The following LDB2 variants were observed in gnomAD, a reference collection of about 807,000 sequenced individuals.
LDB2 encodes LIM domain binding 2.
In LDB2, 12 loss-of-function variants were observed where a neutral mutation model predicts 44.3. The ratio of observed to expected loss-of-function variants is 0.27; its 90% CI spans 0.17 to 0.44. LDB2 has a LOEUF of 0.44. Ranked by LOEUF, LDB2 falls within the 20% of genes least tolerant of loss-of-function variation. The pLI, the probability that LDB2 is intolerant of heterozygous loss-of-function variation, is 1.00. For missense variants in LDB2, 344 were observed against 473.5 expected (o/e 0.73, Z 2.54); for synonymous variants, 164 against 174.8 (o/e 0.94, Z 0.49).
intron 2 of LDB2, among the ~76,000 whole-genome samples, chr4:16,651,813 A>C (rs894717773): frequency 2.0e-5 from 3 of 152,176 alleles, no homozygotes. Flanking sequence ...ATCCTGATTA[A>C]AAAATATAAG....
intron 2 of LDB2, among the ~76,000 whole-genome samples, chr4:16,714,396 A>C (rs1756590855): frequency 6.6e-6 from 1 of 152,188 alleles, no homozygotes; most frequent in East Asian, 1.9e-4. Context: ...TCTTGGGGAC[A>C]GTGGCCTGGC....
chr4:16,893,377 T>C (rs961773021), intron 1 of LDB2, among the ~76,000 whole-genome samples: 11 of 152,236 alleles, frequency 7.2e-5, no homozygotes, highest in African/African-American at 2.4e-4. Flanking sequence ...AAATAACTAA[T>C]CTCATTTTAA....
chr4:16,680,532 T>C (rs998693988), intron 2 of LDB2, among the ~76,000 whole-genome samples: 4 of 152,176 alleles, frequency 2.6e-5, no homozygotes, highest in African/African-American at 9.7e-5. Context: ...ACTTATCTCA[T>C]TTACTCCCCT....
At chr4:16,736,287 A>C (rs1236071167) in intron 2 of LDB2, among the ~76,000 whole-genome samples, 1 of 152,190 alleles carries the variant, frequency 6.6e-6, no homozygotes, top group Non-Finnish European at 1.5e-5. Context: ...GGATTACCAA[A>C]ACAAAGTCAA....
chr4:16,671,294 AC>A (rs2152557189), intron 2 of LDB2, among the ~76,000 whole-genome samples: 1 of 152,254 alleles, frequency 6.6e-6, no homozygotes, highest in Admixed American at 6.5e-5. Context: ...ATTCTGGGGT[AC>A]TTTGAATCAC....
At position 16,585,935 on chromosome 4, in the gene LDB2, A is replaced by G; in HGVS notation, c.602T>C (p.Leu201Pro). Reference sequence around the variant, plus strand: ...GATTGATCTTACCCTGAGGTAGTTGAGGGTGAAGTTTGTTAGCCCCATCCT... The same window carrying G: ...GATTGATCTTACCCTGAGGTAGTTGGGGGTGAAGTTTGTTAGCCCCATCCT... ...ITRMGLTNFTLNYLRLCVILE... is the reference protein window; with the variant it reads ...ITRMGLTNFTPNYLRLCVILE... The change falls in exon 5 of 8, where the codon CTC becomes CCC. Residue 201 changes from leucine (L) to proline (P), a missense_variant. Leu to Pro is a moderately conservative substitution (Grantham distance 98, BLOSUM62 -3). Coordinates refer to ENST00000304523, the MANE Select transcript of LDB2 (RefSeq NM_001290.5). 1 of 1,613,084 alleles carries G rather than the reference A, an allele frequency of 6.2e-7. No individual in the cohort carries two copies. The highest frequency in any genetic ancestry group is 8.5e-7 in the Non-Finnish European group (1 of 1,179,112).
chr4:16,549,988 G>A (rs967536221), intron 5 of LDB2, among the ~76,000 whole-genome samples: 1 of 152,168 alleles, frequency 6.6e-6, no homozygotes, highest in Non-Finnish European at 1.5e-5. Flanking sequence ...GTCCTTCTGA[G>A]CTTGCCCAAT....
At chr4:16,589,549 A>C (rs1204714544) in intron 3 of LDB2, among the ~76,000 whole-genome samples, 1 of 152,180 alleles carries the variant, frequency 6.6e-6, no homozygotes, top group East Asian at 1.9e-4. Context: ...TGATAGAGTA[A>C]TCAGTGACAG....
At chr4:16,689,924 G>A (rs1034031959) in intron 2 of LDB2, among the ~76,000 whole-genome samples, 1 of 152,174 alleles carries the variant, frequency 6.6e-6, no homozygotes, top group African/African-American at 2.4e-5. Context: ...AAATCTATTT[G>A]CAGAGCTCTG....
At chr4:16,636,157 G>A (rs1408135360) in intron 2 of LDB2, among the ~76,000 whole-genome samples, 6 of 152,214 alleles carry the variant, frequency 3.9e-5, no homozygotes, top group African/African-American at 4.8e-5. Flanking sequence ...AAAAGTCATC[G>A]TCATGTTATC....
intron 2 of LDB2, among the ~76,000 whole-genome samples, chr4:16,618,851 C>T (rs1728090550): frequency 6.6e-6 from 1 of 152,084 alleles, no homozygotes; most frequent in South Asian, 2.1e-4. Flanking sequence ...TGGATTTCTC[C>T]CTGCTGTTCT....
At chr4:16,516,673 G>A (rs62296890) in intron 5 of LDB2, among the ~76,000 whole-genome samples, 2,056 of 152,270 alleles carry the variant, frequency 0.014, 32 homozygotes, top group Non-Finnish European at 0.02. Context: ...TTATTGTGAG[G>A]ACCCATGAGC....
At chr4:16,814,867 A>G (rs1035748857) in intron 1 of LDB2, among the ~76,000 whole-genome samples, 66 of 152,366 alleles carry the variant, frequency 4.3e-4, no homozygotes, top group African/African-American at 1.4e-3. Flanking sequence ...TCCTGAAAAT[A>G]GAGTGAGATT....
At chr4:16,717,189 T>TGAG (rs1268719887) in intron 2 of LDB2, among the ~76,000 whole-genome samples, 2 of 146,594 alleles carry the variant, frequency 1.4e-5, no homozygotes, top group South Asian at 2.2e-4. Flanking sequence ...ATAATAATAA[T>TGAG]GATGATGAGG....
intron 5 of LDB2, among the ~76,000 whole-genome samples, chr4:16,578,001 G>A (rs1712475622): frequency 6.6e-6 from 1 of 152,062 alleles, no homozygotes; most frequent in South Asian, 2.1e-4. Flanking sequence ...TGGGAAAACT[G>A]GATATCCATA....
At chr4:16,705,092 AAAT>A (rs1172124075) in intron 2 of LDB2, among the ~76,000 whole-genome samples, 2 of 152,130 alleles carry the variant, frequency 1.3e-5, no homozygotes, top group African/African-American at 2.4e-5. Flanking sequence ...ATTAATTATG[AAAT>A]AATAATTATA....
chr4:16,710,250 A>G (rs1160965546), intron 2 of LDB2, among the ~76,000 whole-genome samples: 1 of 152,212 alleles, frequency 6.6e-6, no homozygotes, highest in East Asian at 1.9e-4. Flanking sequence ...ATGGGATTAG[A>G]TATTTTGTTC....
intron 2 of LDB2, among the ~76,000 whole-genome samples, chr4:16,718,982 T>C (rs1757648440): frequency 1.3e-5 from 2 of 152,098 alleles, no homozygotes; most frequent in African/African-American, 2.4e-5. Flanking sequence ...GAATCTAATG[T>C]TTACACGTTG....
intron 2 of LDB2, among the ~76,000 whole-genome samples, chr4:16,728,407 G>C (rs1760002497): frequency 6.6e-6 from 1 of 152,098 alleles, no homozygotes; most frequent in Non-Finnish European, 1.5e-5. Context: ...AGATTAGCTA[G>C]CTAGATGGAT....
Sources: gnomAD v4.1 joint callset for allele counts (sites outside exome capture counted in the v4.1 genomes callset) on GRCh38, gnomAD v4.1.1 for gene constraint, MANE v1.5 for transcripts, NCBI Gene and HGNC (gene_info 2026-07-23, HGNC 2026-07-21) for gene names.